Variants in SHANK2 observed in about 807,000 individuals in gnomAD.
SHANK2 encodes SH3 and multiple ankyrin repeat domains protein 2.
SHANK2 carries 43 observed loss-of-function variants against 133.7 expected under a neutral mutation model. The observed-to-expected ratio is 0.32, with a 90% CI of 0.25 to 0.41. The LOEUF (loss-of-function observed/expected upper bound fraction) is 0.41. Among genes scored for constraint, SHANK2 ranks in the 10% least tolerant of loss-of-function variants. The probability of loss-of-function intolerance (pLI) is 1.00; values close to 1 mark genes in which losing one functional copy is unlikely to be tolerated. For synonymous variants in SHANK2, 1,017 were observed against 952.8 expected (o/e 1.07, Z -1.24); for missense variants, 1,994 against 2,235.8 (o/e 0.89, Z 2.18).
chr11:70,540,080 C>T (rs1177048935), intron 17 of SHANK2, among the ~76,000 whole-genome samples: 1 of 152,202 alleles, frequency 6.6e-6, no homozygotes, highest in East Asian at 1.9e-4. Context: ...CTGCCCTACC[C>T]TTGTGACCCC....
chr11:71,135,916 G>T (rs1952430752), intron 3 of SHANK2, among the ~76,000 whole-genome samples: 1 of 152,084 alleles, frequency 6.6e-6, no homozygotes, highest in Non-Finnish European at 1.5e-5. Context: ...AGAGGAAGAT[G>T]ACAGGAAAGG....
intron 25 of SHANK2, among the ~76,000 whole-genome samples, chr11:70,475,669 G>A (rs2058653191): frequency 6.6e-6 from 1 of 152,192 alleles, no homozygotes; most frequent in Non-Finnish European, 1.5e-5. Flanking sequence ...ATCCTACTGT[G>A]AGAAGTGTTT....
intron 6 of SHANK2, among the ~76,000 whole-genome samples, chr11:71,108,289 C>T (rs565221199): frequency 3.9e-5 from 6 of 152,172 alleles, no homozygotes; most frequent in Admixed American, 1.3e-4. Context: ...GAAAGATGGT[C>T]GGCCAGGGCC....
chr11:70,916,852 A>G (rs111879576), intron 10 of SHANK2, among the ~76,000 whole-genome samples: 3 of 152,332 alleles, frequency 2.0e-5, no homozygotes, highest in African/African-American at 7.2e-5. Context: ...GTCTTAATGT[A>G]CAAATGTCCT....
At chr11:70,954,638 G>A (rs1950891310) in intron 10 of SHANK2, among the ~76,000 whole-genome samples, 1 of 152,210 alleles carries the variant, frequency 6.6e-6, no homozygotes, top group African/African-American at 2.4e-5. Flanking sequence ...ATCCAAAAAC[G>A]CCTTGCCCGG....
intron 6 of SHANK2, among the ~76,000 whole-genome samples, chr11:71,097,837 T>C (rs1336181455): frequency 6.6e-6 from 1 of 152,228 alleles, no homozygotes; most frequent in Non-Finnish European, 1.5e-5. Flanking sequence ...GGCTGGAGCA[T>C]GTGTACGCCA....
intron 6 of SHANK2, among the ~76,000 whole-genome samples, chr11:71,097,508 G>A (rs1389823423): frequency 6.6e-6 from 1 of 152,224 alleles, no homozygotes; most frequent in Non-Finnish European, 1.5e-5. Context: ...CATAACCTCA[G>A]AGTGGCCCCA....
chr11:70,809,834 T>C (rs1341054909), intron 12 of SHANK2, among the ~76,000 whole-genome samples: 1 of 152,158 alleles, frequency 6.6e-6, no homozygotes, highest in Non-Finnish European at 1.5e-5. Flanking sequence ...TGGGGGAGGC[T>C]GCAAGCAGCT....
At chr11:70,571,542 T>C (rs1406202081) in intron 17 of SHANK2, among the ~76,000 whole-genome samples, 11 of 152,140 alleles carry the variant, frequency 7.2e-5, no homozygotes, top group Non-Finnish European at 1.2e-4. Flanking sequence ...ACCCCAGCAA[T>C]AGCTGGCTGA....
intron 15 of SHANK2, among the ~76,000 whole-genome samples, chr11:70,671,986 T>C (rs1252593754): frequency 6.6e-6 from 1 of 152,172 alleles, no homozygotes; most frequent in East Asian, 1.9e-4. Flanking sequence ...TCACTCTTTA[T>C]GTAAAAACCT....
chr11:70,485,898 T>C lies in SHANK2; in HGVS notation c.4395A>G (p.Pro1465=), dbSNP rs782267900. 3 of 1,614,142 alleles carry C rather than the reference T, an allele frequency of 1.9e-6. No homozygotes were observed. The East Asian group carries it at 6.7e-5, about 36-fold the overall frequency. ...QPTNSADSKK[P]ASLSNCLPAS... is the part of the protein sequence containing the mutation. ...CAGGCAGACAGTTTGAAAGACTGGC[T>C]GGCTTCTTGCTGTCTGCAGAGTTGG... The change falls in exon 25 of 26, where the codon CCA becomes CCG. Residue 1465 remains proline (P), a synonymous_variant. Transcript: ENST00000601538. This position sits in a 1 kb window ranked among gnomAD's most constrained non-coding sequence, Gnocchi z 5.8.
intron 17 of SHANK2, among the ~76,000 whole-genome samples, chr11:70,642,765 C>T (rs1346304651): frequency 2.0e-5 from 3 of 152,134 alleles, no homozygotes; most frequent in Admixed American, 6.5e-5. Context: ...GCCCTCCATG[C>T]GACTGAGAAT....
rs201655220 is a variant in SHANK2, at chr11:71,109,979, C to T, written c.554G>A (p.Arg185Gln). 111 of 1,551,532 alleles carry T rather than the reference C, an allele frequency of 7.2e-5. No homozygotes were observed. Among genetic ancestry groups the T allele is most frequent in the Admixed American group, 9.8e-5 (5 of 50,986 alleles). The change falls in exon 6 of 26, where the codon CGA (arginine) becomes CAA (glutamine). Residue 185 changes from arginine to glutamine, a missense_variant. By Grantham distance (43) the Arg-to-Gln change is conservative. This residue lies in a region of SHANK2 where 653 missense variants were observed against 563.4 expected (regional missense o/e 1.16). Transcript: ENST00000601538. ...GTCGTGGAAATTGGGATCCAGGCCT[C>T]GGTCCAGCATCTTGGTGATCTTCTC... is the stretch of plus-strand genomic sequence containing the variant. ...LVEKITKMLD[R>Q]GLDPNFHDPE...
At chr11:71,056,650 C>A (rs1565429079) in intron 9 of SHANK2, 92 bp from the exon 10 acceptor site, 2 of 152,290 alleles carry the variant, frequency 1.3e-5, no homozygotes, top group East Asian at 3.9e-4. Context: ...CACGGGAAAC[C>A]AGGGAAACAG....
chr11:71,178,896 T>TACTCC (rs1590992280), intron 2 of SHANK2, among the ~76,000 whole-genome samples: 1 of 151,880 alleles, frequency 6.6e-6, no homozygotes, highest in East Asian at 1.9e-4. Flanking sequence ...GGCATGAGAG[T>TACTCC]CACTTGAATC....
intron 2 of SHANK2, among the ~76,000 whole-genome samples, chr11:71,148,784 G>A (rs1456375323): frequency 6.6e-6 from 1 of 152,176 alleles, no homozygotes; most frequent in African/African-American, 2.4e-5. Flanking sequence ...ATAACACTGT[G>A]CAAAAGGAAG....
chr11:70,872,607 C>A (rs1244313090), intron 11 of SHANK2, among the ~76,000 whole-genome samples: 1 of 151,934 alleles, frequency 6.6e-6, no homozygotes, highest in Non-Finnish European at 1.5e-5. Context: ...AGGGGCCCCC[C>A]ACAGACCAGA....
intron 2 of SHANK2, among the ~76,000 whole-genome samples, chr11:71,210,244 A>ATT (rs2135683331): frequency 1.1e-5 from 1 of 90,004 alleles, no homozygotes; most frequent in African/African-American, 4.9e-5. Context: ...ATATATATAT[A>ATT]TATATATATT....
chr11:70,546,631 G>C (rs2059700037), intron 17 of SHANK2, among the ~76,000 whole-genome samples: 1 of 152,150 alleles, frequency 6.6e-6, no homozygotes, highest in Non-Finnish European at 1.5e-5. Flanking sequence ...TCCCATTGAA[G>C]CCTCCCCCTG....
Sources: allele counts gnomAD v4.1 joint callset (sites outside exome capture counted in the v4.1 genomes callset), GRCh38; gene constraint gnomAD v4.1.1; regional missense constraint gnomAD v4.1.1; non-coding constraint Gnocchi (gnomAD v3.1); transcripts MANE v1.5; gene names NCBI Gene and HGNC (gene_info 2026-07-23, HGNC 2026-07-21).